PCGF3: variants seen among roughly 807,000 people sequenced by gnomAD.
The protein encoded by PCGF3 is polycomb group RING finger protein 3.
In PCGF3, 7 loss-of-function variants were observed where a neutral mutation model predicts 33.1. That is an observed-to-expected ratio of 0.21 (90% confidence interval 0.12 to 0.40). The LOEUF is 0.40. Among genes scored for constraint, PCGF3 ranks in the 10% least tolerant of loss-of-function variants. The pLI is 1.00. For synonymous variants in PCGF3, 153 were observed against 121.3 expected (o/e 1.26, Z -1.72); for missense variants, 211 against 313.3 (o/e 0.67, Z 2.46).
At chr4:769,762 T>TATCA (rs1170545436) in exon 11 of PCGF3, 5 of 135,092 alleles carry the variant, frequency 3.7e-5, no homozygotes, top group African/African-American at 2.0e-4. Flanking sequence ...CTTAATTGCC[T>TATCA]ATCAGACGCA....
At chr4:735,155 G>C in intron 5 of PCGF3, 128 bp downstream of exon 5, 1 of 1,018,852 alleles carries the variant, frequency 9.8e-7, no homozygotes, top group Admixed American at 2.6e-5. Context: ...TCCTGACCAA[G>C]GGCACCCCAG....
rs187291435 is a variant in PCGF3, at chr4:707,664, T to C, written c.-190+1694T>C. Reference sequence around the variant, plus strand: ...GGACAGCCCTGTTTTCCCCTGGGGGTCGGGACCCTGGGACAGCTCTGTTTT... The same window carrying C: ...GGACAGCCCTGTTTTCCCCTGGGGGCCGGGACCCTGGGACAGCTCTGTTTT... On this transcript the variant is annotated intron_variant, in intron 1 of 10. Coordinates refer to ENST00000362003, the Ensembl canonical transcript of PCGF3. Among the ~76,000 whole-genome samples, 185 of 50,252 alleles carry C rather than the reference T, an allele frequency of 3.7e-3. 4 individuals carry two copies. Among genetic ancestry groups the C allele is most frequent in the African/African-American group, 7.9e-3 (117 of 14,736 alleles). 33.0% of individuals were successfully genotyped at this position (50,252 alleles called of 152,430 possible). A position where few individuals can be genotyped will look rare whatever the true frequency, so the allele number is the denominator to read the frequency against.
intron 8 of PCGF3, among the ~76,000 whole-genome samples, chr4:748,480 C>T (rs1403900127): frequency 6.6e-6 from 1 of 152,216 alleles, no homozygotes; most frequent in Admixed American, 6.5e-5. Flanking sequence ...GCCACCGCGC[C>T]CAGCCAAGTA....
At chr4:735,622 C>T (rs561589168) in intron 5 of PCGF3, among the ~76,000 whole-genome samples, 4 of 152,340 alleles carry the variant, frequency 2.6e-5, no homozygotes, top group Admixed American at 6.5e-5. Flanking sequence ...ATGAGTTTTA[C>T]GCAGAATTTG....
At chr4:761,177 G>T in intron 8 of PCGF3, 102 bp from the exon 9 acceptor site, 1 of 881,682 alleles carries the variant, frequency 1.1e-6, no homozygotes, top group Non-Finnish European at 1.6e-6. Context: ...AAAAAGGTCA[G>T]CAGTCCTAGA....
At chr4:712,779 T>TG (rs1365420233) in intron 1 of PCGF3, among the ~76,000 whole-genome samples, 1 of 152,166 alleles carries the variant, frequency 6.6e-6, no homozygotes, top group Non-Finnish European at 1.5e-5. Flanking sequence ...ATTTAGAGAG[T>TG]GGATTTGTTG....
At chr4:708,925 C>G (rs919141162) in intron 1 of PCGF3, among the ~76,000 whole-genome samples, 3 of 152,196 alleles carry the variant, frequency 2.0e-5, no homozygotes, top group Admixed American at 6.5e-5. Context: ...TGGTGGTGAT[C>G]GGGCTGGGGA....
chr4:708,591 G>A (rs531207114), intron 1 of PCGF3, among the ~76,000 whole-genome samples: 2 of 152,150 alleles, frequency 1.3e-5, no homozygotes, highest in Non-Finnish European at 2.9e-5. Flanking sequence ...CAGCCCACAG[G>A]CTCCACACCT....
In PCGF3 at chr4:709,426, A is replaced by G. The variant is rs190187412; in HGVS notation, c.-190+3456A>G. Among the ~76,000 whole-genome samples the G allele has an allele frequency of 1.8e-3, 280 of 152,140 alleles. 1 individual carries two copies. Among genetic ancestry groups the G allele is most frequent in the Admixed American group, 2.3e-3 (35 of 15,286 alleles). On this transcript the variant is annotated intron_variant, in intron 1 of 10. Coordinates refer to ENST00000362003, the Ensembl canonical transcript of PCGF3. ...AAAGGCAAGAGTGAATGATGCATGA[A>G]CAAATGAATGAAAGGCAAGAGTGAA...
chr4:717,441 A>C (rs897063694), intron 1 of PCGF3, among the ~76,000 whole-genome samples: 1 of 151,996 alleles, frequency 6.6e-6, no homozygotes, highest in Non-Finnish European at 1.5e-5. Flanking sequence ...GTGCAGTGGC[A>C]GGGTCTCGGC....
rs983675251 is a variant in PCGF3 at position 720,166 on chromosome 4, T to C, written c.-189-10464T>C. Among the ~76,000 whole-genome samples the C allele has an allele frequency of 6.6e-6, 1 of 152,150 alleles. No individual in the cohort carries two copies. The highest frequency in any genetic ancestry group is 1.9e-4 in the East Asian group (1 of 5,178). On this transcript the variant is annotated intron_variant, in intron 1 of 10. Transcript: ENST00000362003. This position sits in a 1 kb window ranked among gnomAD's most constrained non-coding sequence, Gnocchi z 5.6. ...TGCTGTCGCCTCATGAGGACGCCGA[T>C]GTGGCCCTGCTGCCGGAGTATGCCA... is the stretch of plus-strand genomic sequence containing the variant.
intron 9 of PCGF3, among the ~76,000 whole-genome samples, chr4:763,668 C>G (rs570687707): frequency 6.6e-6 from 1 of 152,168 alleles, no homozygotes; most frequent in Non-Finnish European, 1.5e-5. Flanking sequence ...GCTGACAACA[C>G]GAAACACACT....
intron 8 of PCGF3, among the ~76,000 whole-genome samples, chr4:754,662 G>A (rs950116600): frequency 6.6e-6 from 1 of 152,214 alleles, no homozygotes; most frequent in Admixed American, 6.5e-5. Flanking sequence ...GGGGCCTGTG[G>A]CGAGAACTTG....
chr4:765,633 G>A (rs964449574), intron 10 of PCGF3, among the ~76,000 whole-genome samples: 13 of 152,166 alleles, frequency 8.5e-5, no homozygotes, highest in Non-Finnish European at 1.6e-4. Context: ...CTCTGAAGCA[G>A]GAAACCAATG....
intron 1 of PCGF3, among the ~76,000 whole-genome samples, chr4:719,765 C>T (rs1187809754): frequency 6.6e-6 from 1 of 152,120 alleles, no homozygotes; most frequent in African/African-American, 2.4e-5. Flanking sequence ...GGTGCGGAGA[C>T]AAAGAGCTGG....
intron 1 of PCGF3, among the ~76,000 whole-genome samples, chr4:717,570 G>T (rs979809202): frequency 1.3e-4 from 20 of 152,186 alleles, no homozygotes; most frequent in Non-Finnish European, 2.8e-4. Context: ...ATTAGCGACG[G>T]GGTTTCACTG....
intron 7 of PCGF3, 67 bp from the exon 8 acceptor site, chr4:744,533 G>C (rs1744230241): frequency 3.4e-6 from 4 of 1,163,976 alleles, no homozygotes; most frequent in Non-Finnish European, 5.0e-6. Flanking sequence ...TTGGAGTACA[G>C]TGTAGTTTTT....
intron 9 of PCGF3, among the ~76,000 whole-genome samples, chr4:763,770 C>T (rs1482523093): frequency 2.0e-5 from 3 of 152,246 alleles, no homozygotes; most frequent in East Asian, 3.8e-4. Flanking sequence ...TTGATAGCAT[C>T]TTTCTTCATA....
At chr4:732,973 T>G (rs1743667595) in intron 3 of PCGF3, among the ~76,000 whole-genome samples, 1 of 151,896 alleles carries the variant, frequency 6.6e-6, no homozygotes, top group Non-Finnish European at 1.5e-5. Flanking sequence ...GCAGAGCGGC[T>G]GCGGCAGCTG....
Sources: gnomAD v4.1 joint callset for allele counts (sites outside exome capture counted in the v4.1 genomes callset) on GRCh38, gnomAD v4.1.1 for gene constraint, Gnocchi (gnomAD v3.1) non-coding constraint, MANE v1.5 for transcripts, NCBI Gene and HGNC (gene_info 2026-07-23, HGNC 2026-07-21) for gene names.